Variants in TG observed in about 807,000 individuals in gnomAD.
The protein encoded by TG is thyroid hormones.
Under a neutral mutation model 324.7 loss-of-function variants are expected in TG, and 270 were observed. The ratio of observed to expected loss-of-function variants is 0.83; its 90% confidence interval spans 0.75 to 0.92. The LOEUF is 0.92. Among genes scored for constraint, TG ranks in the 40% least tolerant of loss-of-function variants. The pLI, the probability that TG is intolerant of heterozygous loss-of-function variation, is 0.00. For synonymous variants in TG, 1,401 were observed against 1,327.0 expected (o/e 1.06, Z -1.21); for missense variants, 3,591 against 3,456.4 (o/e 1.04, Z -0.98).
chr8:133,120,537 G>A (rs1056550290), intron 45 of TG, among the ~76,000 whole-genome samples: 1 of 152,152 alleles, frequency 6.6e-6, no homozygotes, highest in Non-Finnish European at 1.5e-5. Flanking sequence ...GATGCGTTCC[G>A]GCCTCTCTCT....
intron 35 of TG, chr8:133,002,674 G>A (rs946666716): frequency 3.0e-5 from 7 of 231,698 alleles, no homozygotes; most frequent in Admixed American, 1.0e-4. Flanking sequence ...CACACAGTGC[G>A]CTTCTCTGCG....
chr8:132,913,431 C>A (rs900910162), intron 20 of TG, among the ~76,000 whole-genome samples, 166 bp downstream of exon 20: 6 of 152,198 alleles, frequency 3.9e-5, no homozygotes, highest in African/African-American at 1.4e-4. Context: ...GGTGTATAGT[C>A]TCCATCTGCT....
intron 5 of TG, 111 bp downstream of exon 5, chr8:132,873,332 G>C: frequency 7.1e-7 from 1 of 1,410,880 alleles, no homozygotes; most frequent in Non-Finnish European, 9.8e-7. Context: ...AAGGAATTAA[G>C]AGCTGCCTCA....
chr8:132,960,509 G>T (rs1827581708), intron 27 of TG, among the ~76,000 whole-genome samples: 2 of 152,218 alleles, frequency 1.3e-5, no homozygotes, highest in African/African-American at 4.8e-5. Flanking sequence ...AGGAAAATCG[G>T]ATAATATTAT....
At chr8:133,077,019 G>A (rs1310914411) in intron 41 of TG, among the ~76,000 whole-genome samples, 2 of 152,166 alleles carry the variant, frequency 1.3e-5, no homozygotes, top group Admixed American at 6.5e-5. Flanking sequence ...AACTCAATGG[G>A]TTGATGGGAC....
At chr8:133,039,878 C>A (rs1837841084) in intron 41 of TG, 2 of 1,466,750 alleles carry the variant, frequency 1.4e-6, no homozygotes, top group Admixed American at 4.1e-5. Flanking sequence ...GCAGGGCTGG[C>A]TGACTCTGGC....
In TG at chr8:133,021,927, G is replaced by A. The variant is rs559419746; in HGVS notation, c.6877-64G>A. ...GGAGTCCTGTGTCAACCAAGAATCA[G>A]GCTCCAAGCATGGGAAAGGTGCCCT... is the stretch of plus-strand genomic sequence containing the variant. On this transcript the variant is annotated intron_variant, in intron 39 of 47. Transcript: ENST00000220616. 3.7e-6 allele frequency: 6 copies of A among 1,605,928 alleles called. No individual in the cohort carries two copies. In the African/African-American group the frequency reaches 8.0e-5, roughly 21 times the overall value.
chr8:133,016,527 C>T (rs1486849890), intron 37 of TG, among the ~76,000 whole-genome samples: 1 of 152,220 alleles, frequency 6.6e-6, no homozygotes, highest in Non-Finnish European at 1.5e-5. Flanking sequence ...CTATCTGCCT[C>T]CTCTCCCCAC....
chr8:133,127,674 C>T (rs1284183645), intron 45 of TG, among the ~76,000 whole-genome samples: 1 of 152,142 alleles, frequency 6.6e-6, no homozygotes, highest in East Asian at 1.9e-4. Context: ...AGTAAGCATG[C>T]AGTTTAGTGG....
intron 20 of TG, among the ~76,000 whole-genome samples, chr8:132,917,973 T>G (rs931967660): frequency 2.0e-5 from 3 of 150,888 alleles, no homozygotes; most frequent in African/African-American, 7.3e-5. Flanking sequence ...CTAAAGGATT[T>G]TCCAGTGATT....
At chr8:133,070,378 T>C (rs1843819061) in intron 41 of TG, among the ~76,000 whole-genome samples, 1 of 152,172 alleles carries the variant, frequency 6.6e-6, no homozygotes, top group South Asian at 2.1e-4. Flanking sequence ...TCTCTATTTG[T>C]TTTCAAAACA....
intron 45 of TG, among the ~76,000 whole-genome samples, chr8:133,121,962 T>C (rs956604250): frequency 1.3e-5 from 2 of 150,736 alleles, no homozygotes; most frequent in Admixed American, 1.3e-4. Context: ...ACATCTCTCT[T>C]TCTCTCTCTC....
In TG at chr8:132,888,396, G is replaced by A; in HGVS notation, c.2589G>A (p.Leu863=). Residue 863 remains leucine, a synonymous_variant, in exon 10 of 48, where the codon CTG becomes CTA. Transcript: ENST00000220616. ...KRPQPRENIL[L]EPYLFWQILN... is the part of the protein sequence containing the mutation. ...CCCAGCCCAGGGAGAATATCCTCCT[G>A]GAGCCCTACCTCTTCTGGCAGATCT... 1 of 1,614,130 alleles carries A rather than the reference G, an allele frequency of 6.2e-7. No individual in the cohort carries two copies. The highest frequency in any genetic ancestry group is 1.1e-5 in the South Asian group (1 of 91,082).
chr8:133,020,689 G>A (rs906928743), intron 39 of TG, among the ~76,000 whole-genome samples: 5 of 152,174 alleles, frequency 3.3e-5, no homozygotes, highest in Non-Finnish European at 5.9e-5. Context: ...CTCCAGGTCA[G>A]CCCCTTCCTC....
intron 35 of TG, chr8:132,995,178 G>A (rs1832753314): frequency 2.1e-6 from 2 of 958,494 alleles, no homozygotes; most frequent in Non-Finnish European, 2.5e-6. Context: ...CCTAGGGAAA[G>A]TCACTGCACT....
At chr8:132,917,365 G>A (rs1433933765) in intron 20 of TG, among the ~76,000 whole-genome samples, 3 of 148,802 alleles carry the variant, frequency 2.0e-5, no homozygotes, top group African/African-American at 4.9e-5. Context: ...CAGACAGAAG[G>A]TAGTGCATGT....
At chr8:132,941,282 A>G in intron 25 of TG, 69 bp from the exon 26 acceptor site, 1 of 1,585,662 alleles carries the variant, frequency 6.3e-7, no homozygotes, top group Non-Finnish European at 8.7e-7. Context: ...GTCCTGTGAG[A>G]TCAGTAAGCT....
At chr8:133,003,055 C>T in intron 35 of TG, 2 of 1,067,164 alleles carry the variant, frequency 1.9e-6, no homozygotes, top group Non-Finnish European at 2.3e-6. Context: ...TACCTCTCCT[C>T]TTTCCCTTTG....
intron 41 of TG, among the ~76,000 whole-genome samples, chr8:133,042,900 G>A (rs1838583499): frequency 6.6e-6 from 1 of 151,624 alleles, no homozygotes; most frequent in African/African-American, 2.4e-5. Context: ...CACCATGTTG[G>A]TCAGACTAGC....
Sources: gnomAD v4.1 joint callset for allele counts (sites outside exome capture counted in the v4.1 genomes callset) on GRCh38, gnomAD v4.1.1 for gene constraint, MANE v1.5 for transcripts, NCBI Gene and HGNC (gene_info 2026-07-23, HGNC 2026-07-21) for gene names.